The following GTF2A1L variants were observed in gnomAD, a reference collection of about 807,000 sequenced individuals.
GTF2A1L encodes the protein general transcription factor IIA subunit 1 like, also known as TFIIA-alpha and beta-like factor.
In GTF2A1L, 48 loss-of-function variants were observed where a neutral mutation model predicts 49.7. The observed-to-expected ratio is 0.97, with a 90% CI of 0.77 to 1.23. GTF2A1L has a LOEUF of 1.23. Among genes scored for constraint, GTF2A1L ranks in the 50% most tolerant of loss-of-function variants. GTF2A1L has a pLI of 0.00. For missense variants in GTF2A1L, 736 were observed against 564.8 expected, an observed-to-expected ratio of 1.30 and a Z score of -3.07; for synonymous variants, 246 against 193.5, an observed-to-expected ratio of 1.27 and a Z score of -2.25.
intron 3 of GTF2A1L, among the ~76,000 whole-genome samples, chr2:48,628,796 ATTTC>A (rs1676426817): frequency 6.9e-6 from 1 of 143,954 alleles, no homozygotes; most frequent in Non-Finnish European, 1.6e-5. Flanking sequence ...TCCAAGGCCG[ATTTC>A]TAGAATGGTG....
intron 3 of GTF2A1L, among the ~76,000 whole-genome samples, chr2:48,622,668 A>T (rs1676070786): frequency 6.6e-6 from 1 of 152,076 alleles, no homozygotes; most frequent in Non-Finnish European, 1.5e-5. Context: ...TTAAAAACAA[A>T]AACAAAAGCA....
intron 3 of GTF2A1L, among the ~76,000 whole-genome samples, chr2:48,639,763 T>A (rs770045234): frequency 1.6e-4 from 24 of 152,058 alleles, no homozygotes; most frequent in Non-Finnish European, 3.1e-4. Flanking sequence ...GGAAGCAGCC[T>A]ACAGAATGGA....
chr2:48,639,059 A>G (rs1677059895), intron 3 of GTF2A1L, among the ~76,000 whole-genome samples: 3 of 152,168 alleles, frequency 2.0e-5, no homozygotes, highest in Admixed American at 6.5e-5. Flanking sequence ...GAAGACACAA[A>G]CAAATGGGAA....
intron 7 of GTF2A1L, 105 bp from the exon 8 acceptor site, chr2:48,671,486 G>A: frequency 8.5e-7 from 1 of 1,170,918 alleles, no homozygotes; most frequent in Non-Finnish European, 1.2e-6. Flanking sequence ...TTATAGGAAT[G>A]AGCCACCACG....
chr2:48,669,476 A>G (rs1300607345), intron 6 of GTF2A1L, among the ~76,000 whole-genome samples: 1 of 152,224 alleles, frequency 6.6e-6, no homozygotes. Context: ...ACCTGAAAGT[A>G]ATAAACTCAT....
chr2:48,642,260 C>T (rs1677238492), intron 3 of GTF2A1L, 142 bp from the exon 4 acceptor site: 1 of 733,416 alleles, frequency 1.4e-6, no homozygotes, highest in Non-Finnish European at 2.0e-6. Context: ...CTTTTTACCG[C>T]ACTTGGAATC....
At chr2:48,661,050 T>G (rs1363978049) in intron 6 of GTF2A1L, among the ~76,000 whole-genome samples, 1 of 152,162 alleles carries the variant, frequency 6.6e-6, no homozygotes, top group Non-Finnish European at 1.5e-5. Context: ...TTGTTGATTT[T>G]TCTCCATTGT....
At position 48,646,879 on chromosome 2, in the gene GTF2A1L, A is replaced by G; in HGVS notation, c.815A>G (p.Gln272Arg). The G allele has an allele frequency of 6.2e-7, 1 of 1,614,256 alleles. No homozygotes were observed. Among genetic ancestry groups the G allele is most frequent in the Non-Finnish European group, 8.5e-7 (1 of 1,180,030 alleles). ...CTCAGTGGTTCAGCTAGCATGGCTC[A>G]AAATCTGCATGATGAGTCCCTCTCC... ...SVLSGSASMAQNLHDESLSTS... is the reference protein window; with the variant it reads ...SVLSGSASMARNLHDESLSTS... The change falls in exon 6 of 9, where the codon CAA becomes CGA. Residue 272 changes from glutamine (Q) to arginine (R), a missense_variant. Transcript: ENST00000403751.
intron 6 of GTF2A1L, among the ~76,000 whole-genome samples, chr2:48,657,574 G>C (rs1234120934): frequency 6.6e-6 from 1 of 152,130 alleles, no homozygotes; most frequent in Non-Finnish European, 1.5e-5. Context: ...AAGAGTGCAG[G>C]TACGTTTTTG....
intron 3 of GTF2A1L, among the ~76,000 whole-genome samples, chr2:48,634,449 G>A (rs1221909481): frequency 1.3e-5 from 2 of 152,126 alleles, no homozygotes. Flanking sequence ...GAAATTGTTA[G>A]CTGGTTGCTT....
At chr2:48,619,182 T>C (rs1386031569) in intron 1 of GTF2A1L, among the ~76,000 whole-genome samples, 1 of 152,138 alleles carries the variant, frequency 6.6e-6, no homozygotes, top group African/African-American at 2.4e-5. Flanking sequence ...CTAAATACTC[T>C]TAGGGGCTGG....
intron 6 of GTF2A1L, among the ~76,000 whole-genome samples, chr2:48,662,073 G>T (rs1678537171): frequency 6.6e-6 from 1 of 152,018 alleles, no homozygotes; most frequent in Non-Finnish European, 1.5e-5. Flanking sequence ...GTTACCACGG[G>T]TATTACATAT....
intron 6 of GTF2A1L, among the ~76,000 whole-genome samples, chr2:48,648,270 G>A (rs772524288): frequency 3.9e-5 from 6 of 152,000 alleles, no homozygotes; most frequent in Non-Finnish European, 7.4e-5. Flanking sequence ...GTAAATAAAT[G>A]TAGGTTAAAC....
chr2:48,631,698 C>T (rs968531876), intron 3 of GTF2A1L, among the ~76,000 whole-genome samples: 3 of 152,054 alleles, frequency 2.0e-5, no homozygotes, highest in Non-Finnish European at 4.4e-5. Context: ...TTCTTTTCAT[C>T]TGGCTCTAGG....
At position 48,679,392 on chromosome 2, in the gene GTF2A1L, G is replaced by A; in HGVS notation, c.1387G>A (p.Gly463Arg). 1 of 1,612,476 alleles carries A rather than the reference G, an allele frequency of 6.2e-7. No individual in the cohort carries two copies. The highest frequency in any genetic ancestry group is 1.1e-5 in the South Asian group (1 of 90,992). The part of the protein sequence containing the change: ...FYLKDGVMCF[G>R]GRDYVFAKAI... The stretch of plus-strand genomic sequence containing the variant: ...TTTGAAAGATGGTGTTATGTGTTTT[G>A]GAGGGAGAGACTATGTATTTGCAAA... Residue 463 changes from glycine (G) to arginine (R), a missense_variant, in exon 9 of 9, where the codon GGA becomes AGA. By Grantham distance (125) the Gly-to-Arg change is moderately radical. Transcript: ENST00000403751.
At chr2:48,646,423 T>C (rs761769053) in intron 5 of GTF2A1L, 30 bp from the exon 6 acceptor site, 2 of 1,518,854 alleles carry the variant, frequency 1.3e-6, no homozygotes, top group African/African-American at 1.4e-5. Context: ...AATTCTATTA[T>C]ACTTACAATT....
intron 6 of GTF2A1L, among the ~76,000 whole-genome samples, chr2:48,658,797 CTG>C (rs1678322766): frequency 6.6e-6 from 1 of 152,046 alleles, no homozygotes; most frequent in Non-Finnish European, 1.5e-5. Flanking sequence ...ATAATAGTCT[CTG>C]AGGATCTTTT....
At chr2:48,662,876 A>G (rs1678594883) in intron 6 of GTF2A1L, among the ~76,000 whole-genome samples, 1 of 152,078 alleles carries the variant, frequency 6.6e-6, no homozygotes, top group South Asian at 2.1e-4. Context: ...ACACGTGGAT[A>G]CTAGGAGGGG....
chr2:48,639,702 G>A (rs1281918815), intron 3 of GTF2A1L, among the ~76,000 whole-genome samples: 4 of 152,134 alleles, frequency 2.6e-5, no homozygotes, highest in Non-Finnish European at 5.9e-5. Flanking sequence ...TTACAAGTGA[G>A]ATCTAATTAA....
Sources: allele counts gnomAD v4.1 joint callset (sites outside exome capture counted in the v4.1 genomes callset), GRCh38; gene constraint gnomAD v4.1.1; transcripts MANE v1.5; gene names NCBI Gene and HGNC (gene_info 2026-07-23, HGNC 2026-07-21).